Variants in CLIP1 observed in about 807,000 individuals in gnomAD.
CLIP1 encodes the protein CAP-Gly domain-containing linker protein 1.
A neutral mutation model predicts 161.6 loss-of-function variants in CLIP1; 66 were observed. The observed-to-expected ratio is 0.41, with a 90% CI of 0.33 to 0.50. The LOEUF (loss-of-function observed/expected upper bound fraction) is 0.50, where lower values mean the gene tolerates loss of function less well. CLIP1 is among the 20% of genes least tolerant of loss of function. The pLI is 0.27. For synonymous variants in CLIP1, 598 were observed against 626.2 expected, an observed-to-expected ratio of 0.96 and a Z score of 0.67; for missense variants, 1,376 against 1,702.0, an observed-to-expected ratio of 0.81 and a Z score of 3.37.
intron 11 of CLIP1, among the ~76,000 whole-genome samples, chr12:122,340,148 G>C (rs533887599): frequency 5.5e-4 from 83 of 151,524 alleles, no homozygotes; most frequent in South Asian, 3.3e-3. Context: ...AATAATCTCA[G>C]GTCACTGCAA....
intron 24 of CLIP1, chr12:122,275,650 A>ATG (rs1955392972): frequency 5.0e-4 from 75 of 148,688 alleles, no homozygotes; most frequent in African/African-American, 1.7e-3. Context: ...ACGCGCACAC[A>ATG]CACACACACA....
At chr12:122,332,211 C>T (rs1471385858) in intron 15 of CLIP1, among the ~76,000 whole-genome samples, 1 of 150,384 alleles carries the variant, frequency 6.6e-6, no homozygotes, top group African/African-American at 2.4e-5. Flanking sequence ...AGGAGAATTG[C>T]TTGAACCCAG....
intron 1 of CLIP1, among the ~76,000 whole-genome samples, chr12:122,408,169 G>A (rs986497370): frequency 6.7e-6 from 1 of 149,410 alleles, no homozygotes; most frequent in Non-Finnish European, 1.5e-5. Flanking sequence ...CCGGGAGACG[G>A]AGGTTACAGA....
At chr12:122,401,973 G>A (rs778033923) in intron 1 of CLIP1, among the ~76,000 whole-genome samples, 4 of 151,750 alleles carry the variant, frequency 2.6e-5, no homozygotes, top group Non-Finnish European at 5.9e-5. Flanking sequence ...CTCCAGCCTG[G>A]GCAACAAGAG....
intron 1 of CLIP1, among the ~76,000 whole-genome samples, chr12:122,415,748 G>A (rs1157610004): frequency 2.0e-5 from 3 of 151,754 alleles, no homozygotes; most frequent in Admixed American, 6.6e-5. Context: ...GAACCCGGGA[G>A]GCAGAGGTTG....
chr12:122,346,884 G>T (rs372798112), intron 10 of CLIP1, among the ~76,000 whole-genome samples: 1 of 152,312 alleles, frequency 6.6e-6, no homozygotes, highest in Non-Finnish European at 1.5e-5. Flanking sequence ...GGTAACTGGG[G>T]TGAAAGTTTT....
intron 1 of CLIP1, among the ~76,000 whole-genome samples, chr12:122,390,499 A>G (rs11057882): frequency 0.79 from 118,201 of 150,070 alleles, 46,835 homozygotes; most frequent in East Asian, 0.85. Flanking sequence ...TTTAGTAGAG[A>G]TGGAGTTTGG....
chr12:122,413,570 C>T (rs958603686), intron 1 of CLIP1, among the ~76,000 whole-genome samples: 1 of 152,130 alleles, frequency 6.6e-6, no homozygotes, highest in African/African-American at 2.4e-5. Context: ...TAATTCAAGT[C>T]GGAAGTATTT....
Position 122,347,408 on chromosome 12 carries a change from A to T in CLIP1, c.1473T>A (p.Ala491=). The T allele has an allele frequency of 6.2e-7, 1 of 1,613,570 alleles. No homozygotes were observed. The highest frequency in any genetic ancestry group is 8.5e-7 in the Non-Finnish European group (1 of 1,179,494). ...EQSLLFEKTK[A]DKLQRELEDT... is the part of the protein sequence containing the mutation. ...CTTCTAACTCCCTCTGGAGTTTGTC[A>T]GCTTTGGTCTTTTCAAAGAGCAGGC... Residue 491 remains alanine, a synonymous_variant, in exon 10 of 26, where the codon GCT becomes GCA. Coordinates refer to ENST00000620786, the MANE Select transcript of CLIP1 (RefSeq NM_001247997.2).
At chr12:122,369,077 G>C (rs549295981) in intron 3 of CLIP1, among the ~76,000 whole-genome samples, 2 of 151,470 alleles carry the variant, frequency 1.3e-5, no homozygotes, top group South Asian at 2.1e-4. Context: ...GGAGTGCAGT[G>C]GCATGATCTC....
intron 21 of CLIP1, among the ~76,000 whole-genome samples, chr12:122,281,236 G>A (rs575653726): frequency 2.6e-5 from 4 of 152,308 alleles, no homozygotes; most frequent in South Asian, 2.1e-4. Context: ...CACTGGCAAC[G>A]GGTGGGCATC....
Position 122,272,894 on chromosome 12 carries a change from T to C in CLIP1, c.4298A>G (p.Asn1433Ser), listed in dbSNP as rs1436054594. ...GCTTCATCAGAAGGTTTCGTCGTCA[T>C]TGCAGTTGGTGGCCCAGTGTCCAAA... is the stretch of plus-strand genomic sequence containing the variant. ...EMFGHWATNC[N>S]DDETF The change falls in exon 26 of 26, where the codon AAT (asparagine) becomes AGT (serine). Residue 1433 changes from asparagine (N) to serine (S), a missense_variant. Asn to Ser is a conservative substitution (Grantham distance 46, BLOSUM62 1). Around this residue, in one of 6 missense-constraint regions of CLIP1, gnomAD observed 948 missense variants for 1,134.8 expected, o/e 0.84. Transcript: ENST00000620786. 3 of 1,614,122 alleles carry C rather than the reference T, an allele frequency of 1.9e-6. No homozygotes were observed. The highest frequency in any genetic ancestry group is 1.7e-5 in the Admixed American group (1 of 60,002).
intron 4 of CLIP1, among the ~76,000 whole-genome samples, chr12:122,362,407 C>A (rs1268105446): frequency 6.6e-6 from 1 of 150,422 alleles, no homozygotes; most frequent in African/African-American, 2.4e-5. Flanking sequence ...CTTCCAGAGG[C>A]CAAGGTGGGC....
At chr12:122,354,123 G>A (rs1003750299) in intron 7 of CLIP1, among the ~76,000 whole-genome samples, 25 of 151,906 alleles carry the variant, frequency 1.6e-4, no homozygotes, top group Non-Finnish European at 2.9e-4. Context: ...TGCTGGGCGC[G>A]GTGGCTCACA....
chr12:122,398,635 A>C (rs923760968), intron 1 of CLIP1, among the ~76,000 whole-genome samples: 1 of 152,022 alleles, frequency 6.6e-6, no homozygotes, highest in Non-Finnish European at 1.5e-5. Context: ...TGGGAGGCCA[A>C]GGCAGGTGGA....
At chr12:122,415,538 G>A (rs1956720140) in intron 1 of CLIP1, among the ~76,000 whole-genome samples, 1 of 151,244 alleles carries the variant, frequency 6.6e-6, no homozygotes, top group Non-Finnish European at 1.5e-5. Context: ...ATAGATTTTG[G>A]CTAGGCACAG....
intron 12 of CLIP1, among the ~76,000 whole-genome samples, chr12:122,335,805 T>C (rs1208219248): frequency 6.9e-6 from 1 of 145,872 alleles, no homozygotes; most frequent in Non-Finnish European, 1.5e-5. Context: ...AGACTCTGTC[T>C]CAAAAAAAAA....
intron 13 of CLIP1, 130 bp downstream of exon 13, chr12:122,334,518 C>G: frequency 1.5e-6 from 1 of 652,468 alleles, no homozygotes; most frequent in East Asian, 2.8e-5. Context: ...TCTTTCTGAG[C>G]ACGGCAGGAA....
Position 122,380,358 on chromosome 12 carries a change from A to T in CLIP1, c.85+10T>A. 6.3e-7 allele frequency: 1 copy of T among 1,597,926 alleles called. No individual in the cohort carries two copies. The highest frequency in any genetic ancestry group is 8.6e-7 in the Non-Finnish European group (1 of 1,169,304). On this transcript the variant is annotated intron_variant, in intron 2 of 25. Transcript: ENST00000620786. ...TATAGGATAAGGAAAGGAAAAGCGT[A>T]AAGTATTACCAGCCGTAGGTGTCTT... is the stretch of plus-strand genomic sequence containing the variant.
Sources: allele counts gnomAD v4.1 joint callset (sites outside exome capture counted in the v4.1 genomes callset), GRCh38; gene constraint gnomAD v4.1.1; regional missense constraint gnomAD v4.1.1; transcripts MANE v1.5; gene names NCBI Gene and HGNC (gene_info 2026-07-23, HGNC 2026-07-21).